NFIA: variants seen among roughly 807,000 people sequenced by gnomAD.
The protein encoded by NFIA is nuclear factor I A.
Under a neutral mutation model 62.8 loss-of-function variants are expected in NFIA, and 8 were observed. The observed-to-expected ratio is 0.13, with a 90% CI of 0.07 to 0.23. The LOEUF (loss-of-function observed/expected upper bound fraction) is 0.23, where lower values mean the gene tolerates loss of function less well. Ranked by LOEUF, NFIA falls within the 10% of genes least tolerant of loss-of-function variation. The probability of loss-of-function intolerance (pLI) is 1.00; values close to 1 mark genes in which losing one functional copy is unlikely to be tolerated. For synonymous variants in NFIA, 235 were observed against 238.1 expected (o/e 0.99, Z 0.12); for missense variants, 410 against 642.1 (o/e 0.64, Z 3.91).
chr1:61,104,603 G>A (rs1646564664), intron 2 of NFIA, among the ~76,000 whole-genome samples: 1 of 151,928 alleles, frequency 6.6e-6, no homozygotes, highest in African/African-American at 2.4e-5. Context: ...AACACATACA[G>A]CATTCATGAT....
At chr1:61,156,944 A>T (rs1648858042) in intron 2 of NFIA, among the ~76,000 whole-genome samples, 1 of 152,202 alleles carries the variant, frequency 6.6e-6, no homozygotes, top group East Asian at 1.9e-4. Context: ...AAGTGAATAC[A>T]CTGAGGCAAA....
chr1:61,083,580 C>T (rs2100405213), intron 1 of NFIA, among the ~76,000 whole-genome samples: 1 of 151,766 alleles, frequency 6.6e-6, no homozygotes, highest in Admixed American at 6.6e-5. Context: ...CCTGCGTCCT[C>T]GCCGCGCGCC....
chr1:61,334,549 GTGTGTGTATATATATATATATATATATA>G (rs1661484845), intron 4 of NFIA, among the ~76,000 whole-genome samples: 1 of 47,570 alleles, frequency 2.1e-5, no homozygotes, highest in Non-Finnish European at 3.9e-5. Context: ...GTGTGTGTGT[GTGTGTGTATATATATATATATATATATA>G]TATATATATA....
rs2100602044 is a variant in NFIA at position 61,459,821 on chromosome 1, T to A, written c.*4501T>A. On this transcript the variant is annotated 3_prime_UTR_variant, in exon 11 of 11. Coordinates refer to ENST00000403491, the MANE Select transcript of NFIA (RefSeq NM_001134673.4). ...AAACCTTTTTTTTCTATGAATTTTT[T>A]TTGTTTTTTAGGGGAAAGGGATTCT... 6.6e-6 allele frequency: 1 copy of A among 152,270 alleles called. No individual in the cohort carries two copies. Among genetic ancestry groups the A allele is most frequent in the East Asian group, 1.9e-4 (1 of 5,186 alleles). The allele number at this position is 152,270 out of a possible 1,614,324, so 9.4% of individuals were successfully genotyped here.
intron 3 of NFIA, among the ~76,000 whole-genome samples, chr1:61,305,202 G>A (rs1028629376): frequency 5.9e-5 from 9 of 152,128 alleles, no homozygotes; most frequent in African/African-American, 2.2e-4. Flanking sequence ...AGATATGGTA[G>A]GGAGCAGGAA....
intron 6 of NFIA, among the ~76,000 whole-genome samples, chr1:61,377,520 C>A (rs1664209524): frequency 2.0e-5 from 3 of 152,244 alleles, no homozygotes; most frequent in African/African-American, 7.2e-5. Context: ...AGGACACTAT[C>A]CAAGTCATGA....
chr1:61,105,799 A>G (rs1459290083), intron 2 of NFIA, among the ~76,000 whole-genome samples: 1 of 151,790 alleles, frequency 6.6e-6, no homozygotes, highest in Admixed American at 6.6e-5. Context: ...TAGCACACCT[A>G]GGAAGGCATT....
intron 3 of NFIA, among the ~76,000 whole-genome samples, chr1:61,282,622 T>C (rs1056567859): frequency 6.6e-5 from 10 of 152,162 alleles, no homozygotes; most frequent in African/African-American, 2.2e-4. Flanking sequence ...AGTCAGTGTC[T>C]GAGGCAACAG....
At chr1:61,082,102 T>C (rs1041608960), upstream of NFIA, 2 of 1,495,998 alleles carry the variant, frequency 1.3e-6, no homozygotes, top group African/African-American at 2.8e-5. Flanking sequence ...AAAGTAGTTT[T>C]GTTTGCTTAA....
chr1:61,309,759 T>G (rs548659199), intron 3 of NFIA, among the ~76,000 whole-genome samples: 108 of 152,134 alleles, frequency 7.1e-4, no homozygotes, highest in African/African-American at 2.4e-3. Context: ...TGTGGTGGCA[T>G]GCACCTGTAG....
chr1:61,325,211 A>G (rs903991263), intron 3 of NFIA, among the ~76,000 whole-genome samples: 3 of 152,186 alleles, frequency 2.0e-5, no homozygotes, highest in Non-Finnish European at 4.4e-5. Context: ...ATCTTTCAAT[A>G]TTAATAATAT....
At chr1:61,390,769 AGG>A (rs987305920) in intron 7 of NFIA, among the ~76,000 whole-genome samples, 2 of 152,192 alleles carry the variant, frequency 1.3e-5, no homozygotes, top group Non-Finnish European at 2.9e-5. Flanking sequence ...ACTAGATGGC[AGG>A]GCCTATTAGG....
At chr1:61,405,010 A>G (rs1260901377) in intron 8 of NFIA, among the ~76,000 whole-genome samples, 1 of 152,214 alleles carries the variant, frequency 6.6e-6, no homozygotes, top group Non-Finnish European at 1.5e-5. Flanking sequence ...CTCAAGGCCA[A>G]TAATAATAAA....
intron 4 of NFIA, among the ~76,000 whole-genome samples, chr1:61,337,623 A>G (rs773182661): frequency 6.6e-6 from 1 of 152,200 alleles, no homozygotes; most frequent in South Asian, 2.1e-4. Flanking sequence ...TTTTAGCATA[A>G]TACTATGAGG....
chr1:61,121,219 T>C (rs1197196411), intron 2 of NFIA, among the ~76,000 whole-genome samples: 1 of 152,186 alleles, frequency 6.6e-6, no homozygotes, highest in African/African-American at 2.4e-5. Flanking sequence ...CCAGGGCTCT[T>C]TGAACTCTTG....
At chr1:61,202,106 G>A (rs1000146450) in intron 2 of NFIA, among the ~76,000 whole-genome samples, 6 of 152,144 alleles carry the variant, frequency 3.9e-5, no homozygotes, top group African/African-American at 1.4e-4. Flanking sequence ...CAGAAGGATA[G>A]GTGCCAATGG....
intron 3 of NFIA, among the ~76,000 whole-genome samples, chr1:61,293,641 C>T (rs983894937): frequency 5.9e-5 from 9 of 152,192 alleles, no homozygotes; most frequent in Non-Finnish European, 1.3e-4. Context: ...GAACCTAGGC[C>T]TTCCCCACTT....
intron 2 of NFIA, among the ~76,000 whole-genome samples, chr1:61,127,056 C>T (rs1437830281): frequency 4.1e-5 from 6 of 146,630 alleles, no homozygotes; most frequent in Non-Finnish European, 4.5e-5. Context: ...TCCCAAAGCG[C>T]TGAGATTAAA....
At chr1:61,372,724 A>G (rs1480061964) in intron 6 of NFIA, among the ~76,000 whole-genome samples, 1 of 152,114 alleles carries the variant, frequency 6.6e-6, no homozygotes, top group Non-Finnish European at 1.5e-5. Flanking sequence ...GTCCTTTTAC[A>G]TCCATGAAGC....
Sources: gnomAD v4.1 joint callset for allele counts (sites outside exome capture counted in the v4.1 genomes callset) on GRCh38, gnomAD v4.1.1 for gene constraint, MANE v1.5 for transcripts, NCBI Gene and HGNC (gene_info 2026-07-23, HGNC 2026-07-21) for gene names.